ELMO1: variants seen among roughly 807,000 people sequenced by gnomAD.
The protein encoded by ELMO1 is engulfment and cell motility 1, also known as engulfment and cell motility protein 1.
Under a neutral mutation model 98.9 loss-of-function variants are expected in ELMO1, and 26 were observed. The observed-to-expected ratio is 0.26, with a 90% CI of 0.19 to 0.36. The LOEUF is 0.36. Among genes scored for constraint, ELMO1 ranks in the 10% least tolerant of loss-of-function variants. The pLI is 1.00. For synonymous variants in ELMO1, 346 were observed against 346.0 expected (o/e 1.00, Z 0.00); for missense variants, 627 against 935.2 (o/e 0.67, Z 4.30).
chr7:37,074,694 G>A lies in ELMO1; in HGVS notation c.1300+21925C>T, dbSNP rs574503189. Among the ~76,000 whole-genome samples the A allele has an allele frequency of 1.6e-3, 251 of 152,308 alleles. 1 individual carries two copies. The highest frequency in any genetic ancestry group is 5.6e-3 in the African/African-American group (232 of 41,568). On this transcript the variant is annotated intron_variant, in intron 15 of 21. Transcript: ENST00000310758. ...TTTTGTGTGGTGGTGGCAATAACCC[G>A]GCTATGAATGTGGGGTTAATATTAG...
chr7:37,362,120 G>A (rs1801723589), intron 1 of ELMO1, among the ~76,000 whole-genome samples: 1 of 152,066 alleles, frequency 6.6e-6, no homozygotes, highest in African/African-American at 2.4e-5. Context: ...AAAATGGTCT[G>A]TTTCTTGACT....
At chr7:36,860,287 C>G (rs999516217) in intron 21 of ELMO1, among the ~76,000 whole-genome samples, 1 of 152,134 alleles carries the variant, frequency 6.6e-6, no homozygotes, top group African/African-American at 2.4e-5. Context: ...TATTCAAGGG[C>G]CAACTGTGTT....
intron 1 of ELMO1, among the ~76,000 whole-genome samples, chr7:37,407,333 CCCCGTCT>C (rs2131482732): frequency 6.6e-6 from 1 of 152,086 alleles, no homozygotes; most frequent in African/African-American, 2.4e-5. Context: ...CATGCTGAAA[CCCCGTCT>C]CTACTAAAAA....
At chr7:36,885,305 G>A (rs1804860564) in intron 18 of ELMO1, among the ~76,000 whole-genome samples, 1 of 139,516 alleles carries the variant, frequency 7.2e-6, no homozygotes, top group Admixed American at 7.7e-5. Flanking sequence ...ATAGATACGG[G>A]ACTAACATTT....
chr7:37,051,963 G>C (rs991461290), intron 15 of ELMO1, among the ~76,000 whole-genome samples: 3 of 152,126 alleles, frequency 2.0e-5, no homozygotes, highest in African/African-American at 7.2e-5. Flanking sequence ...CCCTCTGTAG[G>C]GCAGAGGTCA....
intron 1 of ELMO1, among the ~76,000 whole-genome samples, chr7:37,343,666 G>C (rs777908704): frequency 9.9e-5 from 15 of 152,122 alleles, no homozygotes; most frequent in Non-Finnish European, 2.1e-4. Context: ...ATGTTTAGTA[G>C]AGACAAGGTT....
intron 16 of ELMO1, among the ~76,000 whole-genome samples, chr7:36,976,899 T>A (rs1790599611): frequency 6.6e-6 from 1 of 152,206 alleles, no homozygotes; most frequent in Non-Finnish European, 1.5e-5. Flanking sequence ...TTTTCCAGTG[T>A]ATTAGCTATA....
chr7:37,367,283 T>A (rs1801943302), intron 1 of ELMO1, among the ~76,000 whole-genome samples: 1 of 152,188 alleles, frequency 6.6e-6, no homozygotes, highest in Non-Finnish European at 1.5e-5. Context: ...CTCCCTCTCT[T>A]TCTCTCTCCC....
chr7:37,365,524 G>A (rs937955070), intron 1 of ELMO1, among the ~76,000 whole-genome samples: 5 of 152,174 alleles, frequency 3.3e-5, no homozygotes, highest in African/African-American at 1.2e-4. Flanking sequence ...CCCATCATGG[G>A]CAAAGCACCA....
intron 2 of ELMO1, 67 bp from the exon 3 acceptor site, chr7:37,316,027 G>A: frequency 8.0e-7 from 1 of 1,247,030 alleles, no homozygotes; most frequent in Non-Finnish European, 1.1e-6. Flanking sequence ...AAAAAAAGAA[G>A]AAGCTTCATA....
chr7:37,175,029 C>G (rs148461333), intron 13 of ELMO1, among the ~76,000 whole-genome samples: 134 of 151,218 alleles, frequency 8.9e-4, no homozygotes, highest in African/African-American at 3.0e-3. Flanking sequence ...GAAGTGGGAC[C>G]CGAGATAAAG....
intron 1 of ELMO1, chr7:37,351,212 AT>A (rs1201291775): frequency 6.6e-6 from 1 of 152,248 alleles, no homozygotes; most frequent in African/African-American, 2.4e-5. Flanking sequence ...CCCATGTGTA[AT>A]TTTTATATAT....
intron 5 of ELMO1, among the ~76,000 whole-genome samples, chr7:37,259,615 A>G (rs1179810690): frequency 2.6e-5 from 4 of 152,224 alleles, no homozygotes; most frequent in African/African-American, 7.2e-5. Context: ...AAGCAAGAGC[A>G]AGAGTACAAG....
intron 16 of ELMO1, among the ~76,000 whole-genome samples, chr7:37,008,252 G>GT (rs1417751359): frequency 2.6e-5 from 4 of 152,224 alleles, no homozygotes; most frequent in Admixed American, 2.6e-4. Context: ...ACTAGTAATT[G>GT]TTGGGGAGGA....
At chr7:37,379,589 T>G (rs1045083416) in intron 1 of ELMO1, among the ~76,000 whole-genome samples, 2 of 152,166 alleles carry the variant, frequency 1.3e-5, no homozygotes, top group African/African-American at 4.8e-5. Context: ...TGGTCATAAT[T>G]TATAACTTGT....
intron 18 of ELMO1, among the ~76,000 whole-genome samples, chr7:36,886,680 C>T (rs1805036513): frequency 6.6e-6 from 1 of 152,224 alleles, no homozygotes; most frequent in African/African-American, 2.4e-5. Context: ...AAGACTCTAG[C>T]TGTGCAATCA....
chr7:36,899,526 T>C (rs929628236), intron 16 of ELMO1, among the ~76,000 whole-genome samples: 1 of 152,074 alleles, frequency 6.6e-6, no homozygotes, highest in Admixed American at 6.5e-5. Flanking sequence ...TCTACATTAG[T>C]AGCTTTTGGC....
chr7:37,333,491 A>G (rs1028110513), intron 2 of ELMO1, among the ~76,000 whole-genome samples: 1 of 152,214 alleles, frequency 6.6e-6, no homozygotes, highest in Admixed American at 6.5e-5. Flanking sequence ...TCTGCATTTC[A>G]TTTGCTGAAG....
chr7:37,011,171 G>T (rs1793523935), intron 16 of ELMO1, among the ~76,000 whole-genome samples: 1 of 152,210 alleles, frequency 6.6e-6, no homozygotes, highest in Non-Finnish European at 1.5e-5. Context: ...TTGCTGAAGA[G>T]ATTTCACAGC....
Sources: gnomAD v4.1 joint callset for allele counts (sites outside exome capture counted in the v4.1 genomes callset) on GRCh38, gnomAD v4.1.1 for gene constraint, MANE v1.5 for transcripts, NCBI Gene and HGNC (gene_info 2026-07-23, HGNC 2026-07-21) for gene names.